The following CELF2 variants were observed in gnomAD, a reference collection of about 807,000 sequenced individuals.
CELF2 encodes the protein CUGBP Elav-like family member 2.
A neutral mutation model predicts 62.6 loss-of-function variants in CELF2; 8 were observed. The observed-to-expected ratio is 0.13, with a 90% confidence interval of 0.07 to 0.23. The LOEUF is 0.23. CELF2 is among the 10% of genes least tolerant of loss of function. The probability of loss-of-function intolerance (pLI) is 1.00; values close to 1 mark genes in which losing one functional copy is unlikely to be tolerated. For missense variants in CELF2, 333 were observed against 671.0 expected (o/e 0.50, Z 5.56); for synonymous variants, 258 against 250.0 (o/e 1.03, Z -0.30).
intron 3 of CELF2, among the ~76,000 whole-genome samples, chr10:11,240,622 A>G (rs2073514762): frequency 6.6e-6 from 1 of 151,426 alleles, no homozygotes. Flanking sequence ...TTTTTTTTTC[A>G]TTACATGTTT....
the CELF2 span, among the ~76,000 whole-genome samples, chr10:10,784,058 T>C: frequency 1.3e-5 from 2 of 152,188 alleles, no homozygotes; most frequent in African/African-American, 4.8e-5. Flanking sequence ...ACTGGGGTTT[T>C]ATTTCTGAGG....
intron 1 of CELF2, among the ~76,000 whole-genome samples, chr10:11,044,557 C>A (rs1162030842): frequency 6.6e-6 from 1 of 152,100 alleles, no homozygotes; most frequent in East Asian, 1.9e-4. Context: ...TGCTTTGAGA[C>A]CTCATTTGAG....
intron 1 of CELF2, among the ~76,000 whole-genome samples, chr10:10,833,013 C>CTA (rs373885422): frequency 6.9e-6 from 1 of 144,508 alleles, no homozygotes; most frequent in African/African-American, 2.6e-5. Context: ...ACAGAAAACT[C>CTA]TGTGTGTGTG....
chr10:10,658,712 A>T, the CELF2 span, among the ~76,000 whole-genome samples: 2 of 152,134 alleles, frequency 1.3e-5, no homozygotes, highest in South Asian at 4.1e-4. Context: ...TGTTAAACTG[A>T]ATTTGTGAGT....
chr10:11,243,337 C>T lies in CELF2; in HGVS notation c.355-5816C>T, dbSNP rs1040183876. Among the ~76,000 whole-genome samples the T allele has an allele frequency of 2.1e-5, 3 of 144,278 alleles. No individual in the cohort carries two copies. The highest frequency in any genetic ancestry group is 2.2e-4 in the South Asian group (1 of 4,526). The allele number at this position is 144,278 out of a possible 152,430, so 94.7% of individuals were successfully genotyped here. A position where few individuals can be genotyped will look rare whatever the true frequency, so the allele number is the denominator to read the frequency against. On this transcript the variant is annotated intron_variant, in intron 3 of 12. Coordinates refer to ENST00000633077, the MANE Select transcript of CELF2 (RefSeq NM_001326342.2). This position sits in a 1 kb window ranked among gnomAD's most constrained non-coding sequence, Gnocchi z 4.1. Reference sequence around the variant, plus strand: ...GAAGTTAACCATGTACCTTAACGTGCGGCTTTAGGCAAAATGTTATTCAAA... The same window carrying T: ...GAAGTTAACCATGTACCTTAACGTGTGGCTTTAGGCAAAATGTTATTCAAA...
the CELF2 span, among the ~76,000 whole-genome samples, chr10:10,543,394 G>A: frequency 2.6e-5 from 4 of 152,148 alleles, no homozygotes; most frequent in Admixed American, 6.5e-5. Flanking sequence ...TCCCATAGAC[G>A]AGGTCCTTTA....
Position 10,800,358 on chromosome 10 carries a change from A to AT in CELF2, c.53+1551dup, listed in dbSNP as rs1027779801. Among the ~76,000 whole-genome samples, 360 of 149,096 alleles carry AT rather than the reference A, an allele frequency of 2.4e-3. 5 individuals are homozygous for AT. The highest frequency in any genetic ancestry group is 3.7e-3 in the Non-Finnish European group (247 of 67,044). On this transcript the variant is annotated intron_variant, in intron 1 of 13. Coordinates refer to the CELF2 transcript ENST00000636488. Reference sequence around the variant, plus strand: ...ATAAAGCACCGTAATATTAATGTACATTTTTTTTTTGAGATGCAGTTTCAC... The same window carrying AT: ...ATAAAGCACCGTAATATTAATGTACATTTTTTTTTTTGAGATGCAGTTTCAC...
chr10:10,476,871 G>A, the CELF2 span, among the ~76,000 whole-genome samples: 7 of 152,002 alleles, frequency 4.6e-5, 1 homozygote, highest in Admixed American at 3.9e-4. Flanking sequence ...TTAGCTTCAA[G>A]GAACTTAACT....
rs1367343039 is a variant in CELF2 at position 11,319,454 on chromosome 10, G to A, written c.1097-1735G>A. On this transcript the variant is annotated intron_variant, in intron 10 of 12. Coordinates refer to ENST00000633077, the MANE Select transcript of CELF2 (RefSeq NM_001326342.2). The surrounding 1 kb of genome is among the most constrained non-coding windows in gnomAD (Gnocchi z 4.4). The stretch of plus-strand genomic sequence containing the variant: ...AGGGAGGTGGCCGCGATTTGCTGGT[G>A]TCCGAGGGATCATTTAGGGTAATTA... Among the ~76,000 whole-genome samples, 1 of 152,176 alleles carries A rather than the reference G, an allele frequency of 6.6e-6. No individual in the cohort carries two copies. Among genetic ancestry groups the A allele is most frequent in the Non-Finnish European group, 1.5e-5 (1 of 68,034 alleles).
chr10:11,276,570 C>T lies in CELF2; in HGVS notation c.841+1450C>T, dbSNP rs2086208836. On this transcript the variant is annotated intron_variant, in intron 8 of 12. Transcript: ENST00000633077. ...AAAGAGAAAACCTCCTGATTGCAAG[C>T]TCTAAAATAAATGCTAAGATTTGTC... Among the ~76,000 whole-genome samples, 3 of 152,298 alleles carry T rather than the reference C, an allele frequency of 2.0e-5. No homozygotes were observed. In the South Asian group the frequency reaches 6.2e-4, roughly 32 times the overall value.
the CELF2 span, among the ~76,000 whole-genome samples, chr10:10,765,096 G>A: frequency 6.6e-6 from 1 of 152,162 alleles, no homozygotes; most frequent in Admixed American, 6.5e-5. Flanking sequence ...GATCTTGTGG[G>A]GGCTGATGTC....
At chr10:11,106,272 T>C (rs1193434128) in intron 1 of CELF2, among the ~76,000 whole-genome samples, 1 of 151,648 alleles carries the variant, frequency 6.6e-6, no homozygotes, top group Admixed American at 6.6e-5. Flanking sequence ...TCTTGCTCTG[T>C]CACGTAGGCT....
chr10:10,555,521 G>A, the CELF2 span, among the ~76,000 whole-genome samples: 20,513 of 152,052 alleles, frequency 0.13, 1,537 homozygotes, highest in East Asian at 0.23. Flanking sequence ...TTTTATACTC[G>A]TGAGGATAAT....
intron 4 of CELF2, among the ~76,000 whole-genome samples, chr10:11,249,913 A>G (rs2076645785): frequency 1.3e-5 from 2 of 152,218 alleles, no homozygotes; most frequent in Non-Finnish European, 2.9e-5. Flanking sequence ...TGTTAAAAGA[A>G]TCTTCTACCA....
rs2093199154 is a variant in CELF2, at chr10:11,296,482, A to G, written c.976+7930A>G. On this transcript the variant is annotated intron_variant, in intron 9 of 12. Coordinates refer to ENST00000633077, the MANE Select transcript of CELF2 (RefSeq NM_001326342.2). The surrounding 1 kb of genome is among the most constrained non-coding windows in gnomAD (Gnocchi z 5.0). ...ATGTTATCACCACTAGCACTGGTGA[A>G]AAGCATGTGTTGCTTAATTGTGTTA... 6.6e-6 allele frequency among the ~76,000 whole-genome samples: 1 copy of G among 152,196 alleles called. No homozygotes were observed. The highest frequency in any genetic ancestry group is 1.5e-5 in the Non-Finnish European group (1 of 68,048).
intron 2 of CELF2, chr10:10,929,667 G>A (rs1033573002): frequency 2.0e-5 from 3 of 152,166 alleles, no homozygotes; most frequent in African/African-American, 4.8e-5. Context: ...TGTAAAATGG[G>A]TAATAATAGG....
intron 1 of CELF2, among the ~76,000 whole-genome samples, chr10:10,826,014 CT>C (rs1454402109): frequency 6.6e-6 from 1 of 152,130 alleles, no homozygotes; most frequent in East Asian, 1.9e-4. Context: ...GATATTAATC[CT>C]TACAGCAGGA....
intron 3 of CELF2, 24 bp from the exon 4 acceptor site, chr10:11,249,129 A>C: frequency 6.2e-7 from 1 of 1,604,168 alleles, no homozygotes; most frequent in Non-Finnish European, 8.5e-7. Context: ...ATCTGCCTTT[A>C]CTTTCTCCCT....
At chr10:11,301,456 C>G (rs1209405566) in intron 9 of CELF2, among the ~76,000 whole-genome samples, 1 of 67,054 alleles carries the variant, frequency 1.5e-5, no homozygotes, top group East Asian at 5.9e-4. Context: ...TCCCGCTCCC[C>G]CCACCACTTC....
Sources: gnomAD v4.1 joint callset for allele counts (sites outside exome capture counted in the v4.1 genomes callset) on GRCh38, gnomAD v4.1.1 for gene constraint, Gnocchi (gnomAD v3.1) non-coding constraint, MANE v1.5 for transcripts, NCBI Gene and HGNC (gene_info 2026-07-23, HGNC 2026-07-21) for gene names.